ARMCX3: variants seen among roughly 807,000 people sequenced by gnomAD.
The protein encoded by ARMCX3 is armadillo repeat containing X-linked 3, also known as armadillo repeat-containing X-linked protein 3.
In ARMCX3, 3 loss-of-function variants were observed where a neutral mutation model predicts 12.6. The observed-to-expected ratio is 0.24, with a 90% confidence interval of 0.11 to 0.61. The LOEUF (loss-of-function observed/expected upper bound fraction) is 0.61. Ranked by LOEUF, ARMCX3 falls within the 20% of genes least tolerant of loss-of-function variation. ARMCX3 has a pLI of 0.88. For synonymous variants in ARMCX3, 102 were observed against 103.1 expected (o/e 0.99, Z 0.06); for missense variants, 204 against 286.1 (o/e 0.71, Z 2.07).
chrX:101,623,824 G>A lies in ARMCX3; in HGVS notation c.-348G>A, dbSNP rs1264545317. 9.1e-6 allele frequency: 1 copy of A among 110,135 alleles called. No individual in the cohort carries two copies. Among genetic ancestry groups the A allele is most frequent in the Non-Finnish European group, 1.9e-5 (1 of 52,750 alleles). The allele number at this position is 110,135 out of a possible 1,213,427, so 9.1% of individuals were successfully genotyped here. On this transcript the variant is annotated 5_prime_UTR_variant, in exon 2 of 5. Coordinates refer to ENST00000471229, the MANE Select transcript of ARMCX3 (RefSeq NM_177947.3). ...CTCCCGGGTGGCCAGTCTTTCTGTA[G>A]GTTGCGGCACAACGCCAGGCAAAAG...
chrX:101,625,825 G>C lies in ARMCX3; in HGVS notation c.846G>C (p.Arg282Ser), dbSNP rs781968770. ...CAGCCATGACTAGGGAACTGCTCAG[G>C]GCCCAAGTACCATCTTCACTGGGCT... is the stretch of plus-strand genomic sequence containing the variant. The part of the protein sequence containing the change: ...ENPAMTRELL[R>S]AQVPSSLGSL... The change falls in exon 5 of 5, where the codon AGG (arginine) becomes AGC (serine). Residue 282 changes from arginine to serine, a missense_variant. Transcript: ENST00000471229. 1 of 1,203,239 alleles carries C rather than the reference G, an allele frequency of 8.3e-7. No individual in the cohort carries two copies. Among genetic ancestry groups the C allele is most frequent in the African/African-American group, 1.8e-5 (1 of 56,852 alleles).
rs940179103 is a variant in ARMCX3, at chrX:101,627,494, G to A, written c.*1375G>A. 2.4e-5 allele frequency: 3 copies of A among 122,571 alleles called. No homozygotes were observed. Among genetic ancestry groups the A allele is most frequent in the Admixed American group, 9.5e-5 (1 of 10,491 alleles). The allele number at this position is 122,571 out of a possible 1,213,427, so 10.1% of individuals were successfully genotyped here. ...TAAAATGGGTATTGATTTTTAGGAC[G>A]GTTTTGAAAAAGAAAAGTGTTGGGA... On this transcript the variant is annotated 3_prime_UTR_variant, in exon 5 of 5. Coordinates refer to ENST00000471229, the MANE Select transcript of ARMCX3 (RefSeq NM_177947.3).
chrX:101,624,014 T>C (rs1935945621), intron 2 of ARMCX3, 121 bp downstream of exon 2: 1 of 111,464 alleles, frequency 9.0e-6, no homozygotes, highest in Non-Finnish European at 1.9e-5. Flanking sequence ...CTCCCCGGAC[T>C]GTGGCGAAAT....
At position 101,626,272 on chromosome X, in the gene ARMCX3, TTAGGTTTAA is replaced by T; in HGVS notation, c.*154_*162del. The T allele has an allele frequency of 2.1e-6, 1 of 479,990 alleles. No homozygotes were observed. Among genetic ancestry groups the T allele is most frequent in the Non-Finnish European group, 3.3e-6 (1 of 299,912 alleles). 39.6% of individuals were successfully genotyped at this position (479,990 alleles called of 1,213,427 possible). ...TGCTGATATTTAACTGAGTTGGTCT[TTAGGTTTAA>T]GATGGATAAATGAATATCACTACTT... On this transcript the variant is annotated 3_prime_UTR_variant, in exon 5 of 5. Transcript: ENST00000471229.
At position 101,625,100 on chromosome X, in the gene ARMCX3, G is replaced by C. The variant is rs1935964396; in HGVS notation, c.121G>C (p.Gly41Arg). ...RKQNKEKMAE[G>R]GSGDVDDAGD... ...ACAGAACAAGGAAAAAATGGCTGAG[G>C]GTGGATCTGGGGATGTGGATGATGC... is the stretch of plus-strand genomic sequence containing the variant. The change falls in exon 5 of 5, where the codon GGT becomes CGT. Residue 41 changes from glycine to arginine, a missense_variant. Coordinates refer to ENST00000471229, the MANE Select transcript of ARMCX3 (RefSeq NM_177947.3). The C allele has an allele frequency of 8.3e-7, 1 of 1,197,910 alleles. No homozygotes were observed. The highest frequency in any genetic ancestry group is 1.8e-5 in the African/African-American group (1 of 56,845).
chrX:101,623,386 C>T (rs1439224894), intron 1 of ARMCX3, 110 bp downstream of exon 1: 7 of 112,983 alleles, frequency 6.2e-5, no homozygotes, highest in Non-Finnish European at 1.3e-4. Context: ...GCCCGCTTTC[C>T]AAGACATATG....
In ARMCX3 at chrX:101,625,387, T is replaced by G. The variant is rs782369024; in HGVS notation, c.408T>G (p.Pro136=). Residue 136 remains proline, a synonymous_variant, in exon 5 of 5, where the codon CCT becomes CCG. Coordinates refer to ENST00000471229, the MANE Select transcript of ARMCX3 (RefSeq NM_177947.3). ...GCTTGGTTGAGATGTCTGAAAAGCC[T>G]TATATTCTTGAAGCAGCTTTAATTG... ...VLCLVEMSEK[P]YILEAALIAL... 6 of 1,209,885 alleles carry G rather than the reference T, an allele frequency of 5.0e-6. No homozygotes were observed. The South Asian group carries it at 1.1e-4, about 21-fold the overall frequency.
Position 101,626,358 on chromosome X carries a change from T to G in ARMCX3, c.*239T>G. 3 of 296,971 alleles carry G rather than the reference T, an allele frequency of 1.0e-5. No individual in the cohort carries two copies. Among genetic ancestry groups the G allele is most frequent in the Non-Finnish European group, 1.8e-5 (3 of 165,022 alleles). The allele number at this position is 296,971 out of a possible 1,213,427, so 24.5% of individuals were successfully genotyped here. Reference sequence around the variant, plus strand: ...TATCTCGCTGCCTAGATTGAAATATTTTGCTATTTCTTCTGCATAAGTGAC... The same window carrying G: ...TATCTCGCTGCCTAGATTGAAATATGTTGCTATTTCTTCTGCATAAGTGAC... On this transcript the variant is annotated 3_prime_UTR_variant, in exon 5 of 5. Coordinates refer to ENST00000471229, the MANE Select transcript of ARMCX3 (RefSeq NM_177947.3).
In ARMCX3 at chrX:101,626,045, T is replaced by A; in HGVS notation, c.1066T>A (p.Phe356Ile). ...KVLGIESHHD[F>I]LVKVKVGKFM... The stretch of plus-strand genomic sequence containing the variant: ...TCTGGGAATAGAAAGTCACCATGAT[T>A]TTTTGGTGAAAGTAAAAGTTGGAAA... Residue 356 changes from phenylalanine to isoleucine, a missense_variant, in exon 5 of 5, where the codon TTT becomes ATT. Phe to Ile is a conservative substitution (Grantham distance 21). Coordinates refer to ENST00000471229, the MANE Select transcript of ARMCX3 (RefSeq NM_177947.3). The A allele has an allele frequency of 8.4e-7, 1 of 1,197,371 alleles. No homozygotes were observed. Among genetic ancestry groups the A allele is most frequent in the African/African-American group, 1.8e-5 (1 of 56,888 alleles).
At position 101,624,833 on chromosome X, in the gene ARMCX3, G is replaced by T; in HGVS notation, c.-146-1G>T. On this transcript the variant is annotated splice_acceptor_variant, in intron 4 of 4. Transcript: ENST00000471229. LOFTEE classifies it low-confidence loss of function (5UTR_SPLICE). ...ACCCAATTTTCTTCTTCCACTCCTA[G>T]GTCAACCCCCAGAATCAGCTCTTGT... The T allele has an allele frequency of 2.0e-6, 1 of 493,491 alleles. No individual in the cohort carries two copies. The highest frequency in any genetic ancestry group is 3.1e-6 in the Non-Finnish European group (1 of 323,180). The allele number at this position is 493,491 out of a possible 1,213,427, so 40.7% of individuals were successfully genotyped here.
rs782063273 is a variant in ARMCX3, at chrX:101,625,201, A to G, written c.222A>G (p.Val74=). 1.3e-5 allele frequency: 16 copies of G among 1,209,562 alleles called. No homozygotes were observed. The highest frequency in any genetic ancestry group is 1.7e-5 in the Non-Finnish European group (15 of 895,222). The change falls in exon 5 of 5, where the codon GTA becomes GTG. Residue 74 remains valine, a synonymous_variant. Transcript: ENST00000471229. ...ACAGCAATGAGAGCAAGAGTATAGT[A>G]TGGTACCCACCTTGGGCTCGGATTG... ...DDDSNESKSI[V]WYPPWARIGT... is the part of the protein sequence containing the mutation.
rs1935989051 is a variant in ARMCX3 at position 101,626,368 on chromosome X, C to T, written c.*249C>T. Reference sequence around the variant, plus strand: ...CCTAGATTGAAATATTTTGCTATTTCTTCTGCATAAGTGACAGTGAACCAA... The same window carrying T: ...CCTAGATTGAAATATTTTGCTATTTTTTCTGCATAAGTGACAGTGAACCAA... On this transcript the variant is annotated 3_prime_UTR_variant, in exon 5 of 5. Transcript: ENST00000471229. 3.5e-6 allele frequency: 1 copy of T among 283,402 alleles called. No individual in the cohort carries two copies. 23.4% of individuals were successfully genotyped at this position (283,402 alleles called of 1,213,427 possible).
rs782181737 is a variant in ARMCX3 at position 101,626,014 on chromosome X, T to C, written c.1035T>C (p.Asp345=). 1.7e-6 allele frequency: 2 copies of C among 1,207,490 alleles called. No individual in the cohort carries two copies. The highest frequency in any genetic ancestry group is 3.5e-5 in the African/African-American group (2 of 57,697). The change falls in exon 5 of 5, where the codon GAT becomes GAC. Residue 345 remains aspartate (D), a synonymous_variant. Coordinates refer to ENST00000471229, the MANE Select transcript of ARMCX3 (RefSeq NM_177947.3). ...TAAAAGAATTTCAAGTGTGTGCTGA[T>C]AAGGTTCTGGGAATAGAAAGTCACC... ...FFLKEFQVCA[D]KVLGIESHHD...
In ARMCX3 at chrX:101,626,432, T is replaced by C. The variant is rs891298585; in HGVS notation, c.*313T>C. On this transcript the variant is annotated 3_prime_UTR_variant, in exon 5 of 5. Transcript: ENST00000471229. ...AGCTCCCTTCTGTCATTTTCATTGA[T>C]TTAATTTGTGTATCATCAATAAAAT... 1 of 203,847 alleles carries C rather than the reference T, an allele frequency of 4.9e-6. No homozygotes were observed. The highest frequency in any genetic ancestry group is 9.4e-6 in the Non-Finnish European group (1 of 106,528). 16.8% of individuals were successfully genotyped at this position (203,847 alleles called of 1,213,427 possible). A position where few individuals can be genotyped will look rare whatever the true frequency, so the allele number is the denominator to read the frequency against.
rs369113898 is a variant in ARMCX3 at position 101,625,500 on chromosome X, C to T, written c.521C>T (p.Thr174Ile). The T allele has an allele frequency of 8.3e-7, 1 of 1,210,131 alleles. No homozygotes were observed. Among genetic ancestry groups the T allele is most frequent in the African/African-American group, 1.7e-5 (1 of 57,713 alleles). ...CCAATTGTCGCAAAGATTCTCAATA[C>T]TCGGGATCCCATAGTTAAGGAAAAG... is the stretch of plus-strand genomic sequence containing the variant. ...GLPIVAKILNTRDPIVKEKAL... is the reference protein window; with the variant it reads ...GLPIVAKILNIRDPIVKEKAL... Residue 174 changes from threonine to isoleucine, a missense_variant, in exon 5 of 5, where the codon ACT becomes ATT. Coordinates refer to ENST00000471229, the MANE Select transcript of ARMCX3 (RefSeq NM_177947.3).
rs899851331 is a variant in ARMCX3 at position 101,626,983 on chromosome X, C to T, written c.*864C>T. The T allele has an allele frequency of 3.2e-5, 4 of 123,238 alleles. No individual in the cohort carries two copies. Among genetic ancestry groups the T allele is most frequent in the African/African-American group, 1.3e-4 (4 of 30,779 alleles). The allele number at this position is 123,238 out of a possible 1,213,427, so 10.2% of individuals were successfully genotyped here. A position where few individuals can be genotyped will look rare whatever the true frequency, so the allele number is the denominator to read the frequency against. ...CTGAGTAGTGTCAATGAGGGTGTGG[C>T]AAAATGGAGCCTTTCACATCCTAGT... On this transcript the variant is annotated 3_prime_UTR_variant, in exon 5 of 5. Transcript: ENST00000471229.
In ARMCX3 at chrX:101,627,478, T is replaced by C. The variant is rs1300108333; in HGVS notation, c.*1359T>C. 1 of 123,367 alleles carries C rather than the reference T, an allele frequency of 8.1e-6. No individual in the cohort carries two copies. The highest frequency in any genetic ancestry group is 3.2e-5 in the African/African-American group (1 of 30,817). The allele number at this position is 123,367 out of a possible 1,213,427, so 10.2% of individuals were successfully genotyped here. A position where few individuals can be genotyped will look rare whatever the true frequency, so the allele number is the denominator to read the frequency against. ...TGTGTTTTTATTTATCTAAAATGGGTATTGATTTTTAGGACGGTTTTGAAA... is the reference window on the plus strand; with the variant it reads ...TGTGTTTTTATTTATCTAAAATGGGCATTGATTTTTAGGACGGTTTTGAAA... On this transcript the variant is annotated 3_prime_UTR_variant, in exon 5 of 5. Transcript: ENST00000471229.
In ARMCX3 at chrX:101,626,293, G is replaced by T. The variant is rs781986286; in HGVS notation, c.*174G>T. On this transcript the variant is annotated 3_prime_UTR_variant, in exon 5 of 5. Coordinates refer to ENST00000471229, the MANE Select transcript of ARMCX3 (RefSeq NM_177947.3). ...GTCTTTAGGTTTAAGATGGATAAATGAATATCACTACTTGTTCTGAAAACA... is the reference window on the plus strand; with the variant it reads ...GTCTTTAGGTTTAAGATGGATAAATTAATATCACTACTTGTTCTGAAAACA... 1.6e-5 allele frequency: 6 copies of T among 376,084 alleles called. No individual in the cohort carries two copies. In the Admixed American group the frequency reaches 3.2e-4, roughly 20 times the overall value. The allele number at this position is 376,084 out of a possible 1,213,427, so 31.0% of individuals were successfully genotyped here. A position where few individuals can be genotyped will look rare whatever the true frequency, so the allele number is the denominator to read the frequency against.
chrX:101,625,301 C>A lies in ARMCX3; in HGVS notation c.322C>A (p.Arg108=). ...ATRARRAVQK[R]ASPNSDDTVL... ...CCGGGCACGTCGGGCTGTCCAGAAA[C>A]GGGCTTCCCCCAATTCAGATGATAC... Residue 108 remains arginine (R), a synonymous_variant, in exon 5 of 5, where the codon CGG becomes AGG. Transcript: ENST00000471229. 3 of 1,209,178 alleles carry A rather than the reference C, an allele frequency of 2.5e-6. No homozygotes were observed. The highest frequency in any genetic ancestry group is 2.2e-6 in the Non-Finnish European group (2 of 894,324).
Sources: gnomAD v4.1 joint callset for allele counts on GRCh38, gnomAD v4.1.1 for gene constraint, MANE v1.5 for transcripts, NCBI Gene and HGNC (gene_info 2026-07-23, HGNC 2026-07-21) for gene names.